TMEM38B: variants seen among roughly 807,000 people sequenced by gnomAD.
TMEM38B encodes transmembrane protein 38B, also known as trimeric intracellular cation channel type B.
In TMEM38B, 24 loss-of-function variants were observed where a neutral mutation model predicts 28.7. The ratio of observed to expected loss-of-function variants is 0.84; its 90% CI spans 0.61 to 1.18. The LOEUF is 1.18. Among genes scored for constraint, TMEM38B ranks in the 50% most tolerant of loss-of-function variants. The pLI, the probability that TMEM38B is intolerant of heterozygous loss-of-function variation, is 0.00. For synonymous variants in TMEM38B, 131 were observed against 127.7 expected, an observed-to-expected ratio of 1.03 and a Z score of -0.17; for missense variants, 380 against 350.9, an observed-to-expected ratio of 1.08 and a Z score of -0.66.
Position 105,759,845 on chromosome 9 carries a change from C to G in TMEM38B, c.660+11655C>G, listed in dbSNP as rs764026200. On this transcript the variant is annotated intron_variant, in intron 5 of 5. Transcript: ENST00000374692. ...TGCAAGTCAAAACAGCTTTGTAGGT[C>G]TCAGAGTTTGCTTTTAAGAAGTAGT... 1.4e-4 allele frequency: 218 copies of G among 1,594,674 alleles called. 1 individual carries two copies. The South Asian group carries it at 2.0e-3, about 15-fold the overall frequency.
intron 5 of TMEM38B, chr9:105,749,155 C>G (rs1319205077): frequency 7.9e-7 from 1 of 1,262,186 alleles, no homozygotes; most frequent in African/African-American, 1.6e-5. Flanking sequence ...GTAGTCTCTT[C>G]CAGTCCTCAA....
At chr9:105,743,403 T>C (rs909048246) in intron 4 of TMEM38B, among the ~76,000 whole-genome samples, 1 of 152,202 alleles carries the variant, frequency 6.6e-6, no homozygotes, top group African/African-American at 2.4e-5. Flanking sequence ...AAATGGCTTA[T>C]AGGAACCTTT....
At chr9:105,705,510 GTTTA>G (rs1238194057) in intron 1 of TMEM38B, 83 bp from the exon 2 acceptor site, 14 of 1,264,524 alleles carry the variant, frequency 1.1e-5, no homozygotes, top group African/African-American at 1.5e-5. Flanking sequence ...AATTTAAGAA[GTTTA>G]TTTGTTTAGT....
rs771160781 is a variant in TMEM38B at position 105,748,110 on chromosome 9, A to G, written c.580A>G (p.Thr194Ala). The change falls in exon 5 of 6, where the codon ACA becomes GCA. Residue 194 changes from threonine to alanine, a missense_variant. Transcript: ENST00000374692. The stretch of plus-strand genomic sequence containing the variant: ...AACCCTGCTGGGGTCAGTTATCTTC[A>G]CATTCCAGCACACCCAGCATCTGGC... ...KVTLLGSVIF[T>A]FQHTQHLAIS... 2.5e-6 allele frequency: 4 copies of G among 1,613,560 alleles called. No individual in the cohort carries two copies. The highest frequency in any genetic ancestry group is 1.7e-5 in the Admixed American group (1 of 59,928).
chr9:105,765,557 A>G (rs192445856), intron 5 of TMEM38B, among the ~76,000 whole-genome samples: 6 of 152,254 alleles, frequency 3.9e-5, no homozygotes, highest in Admixed American at 1.3e-4. Flanking sequence ...ATATCACTAC[A>G]GATTAGTGTT....
Position 105,774,409 on chromosome 9 carries a change from C to G in TMEM38B, c.*329C>G, listed in dbSNP as rs923322260. On this transcript the variant is annotated 3_prime_UTR_variant, in exon 6 of 6. Coordinates refer to ENST00000374692, the MANE Select transcript of TMEM38B (RefSeq NM_018112.3). The stretch of plus-strand genomic sequence containing the variant: ...ATTGCAAAGTAACAAAAATTTTAAG[C>G]TTTTAAAAATGTAGATTTTTCATAT... 2 of 166,712 alleles carry G rather than the reference C, an allele frequency of 1.2e-5. No individual in the cohort carries two copies. The highest frequency in any genetic ancestry group is 4.8e-5 in the African/African-American group (2 of 42,082). 10.3% of individuals were successfully genotyped at this position (166,712 alleles called of 1,614,324 possible). A position where few individuals can be genotyped will look rare whatever the true frequency, so the allele number is the denominator to read the frequency against.
chr9:105,740,260 G>GTT lies in TMEM38B; in HGVS notation c.543-7796_543-7795dup, dbSNP rs35669330. On this transcript the variant is annotated intron_variant, in intron 4 of 5. Coordinates refer to ENST00000374692, the MANE Select transcript of TMEM38B (RefSeq NM_018112.3). The stretch of plus-strand genomic sequence containing the variant: ...TCCTTCATTAAATTTATTCCTAGGT[G>GTT]TTTTTTTTTTTTTTTTTTGAAACAG... 8.6e-3 allele frequency among the ~76,000 whole-genome samples: 962 copies of GTT among 111,400 alleles called. 16 individuals carry two copies. The highest frequency in any genetic ancestry group is 0.025 in the African/African-American group (794 of 31,826). The allele number at this position is 111,400 out of a possible 152,430, so 73.1% of individuals were successfully genotyped here.
chr9:105,736,819 G>T (rs111636179), intron 4 of TMEM38B, among the ~76,000 whole-genome samples: 201 of 152,314 alleles, frequency 1.3e-3, no homozygotes, highest in African/African-American at 4.6e-3. Flanking sequence ...CTTGTTCTGA[G>T]TGGGCACACT....
intron 4 of TMEM38B, among the ~76,000 whole-genome samples, chr9:105,731,626 G>A (rs1836751987): frequency 6.6e-6 from 1 of 152,106 alleles, no homozygotes; most frequent in South Asian, 2.1e-4. Context: ...GCCCTACAAA[G>A]GACATGAACT....
At chr9:105,722,300 C>T (rs1836345209) in intron 3 of TMEM38B, among the ~76,000 whole-genome samples, 1 of 152,150 alleles carries the variant, frequency 6.6e-6, no homozygotes, top group African/African-American at 2.4e-5. Context: ...AAACTTCTAA[C>T]CATATCTTTG....
intron 4 of TMEM38B, among the ~76,000 whole-genome samples, chr9:105,747,627 TG>T (rs1837468434): frequency 6.6e-6 from 1 of 152,198 alleles, no homozygotes; most frequent in Admixed American, 6.5e-5. Context: ...AGCTTTTGAA[TG>T]TGTTTGCTCT....
chr9:105,707,548 G>T (rs945118533), intron 2 of TMEM38B, among the ~76,000 whole-genome samples: 1 of 151,994 alleles, frequency 6.6e-6, no homozygotes, highest in Admixed American at 6.6e-5. Context: ...TTCTAAAAGG[G>T]ATATTACAAA....
chr9:105,747,223 G>C (rs888623383), intron 4 of TMEM38B, among the ~76,000 whole-genome samples: 1 of 152,166 alleles, frequency 6.6e-6, no homozygotes, highest in Non-Finnish European at 1.5e-5. Context: ...TTTTTGGTTG[G>C]TAAGCTATTA....
At chr9:105,764,480 CA>C (rs1826284243) in intron 5 of TMEM38B, among the ~76,000 whole-genome samples, 1 of 152,108 alleles carries the variant, frequency 6.6e-6, no homozygotes, top group Non-Finnish European at 1.5e-5. Context: ...CTGCCATTCA[CA>C]ATTGCTTCAA....
At chr9:105,695,609 A>C (rs2133538503) in intron 1 of TMEM38B, among the ~76,000 whole-genome samples, 1 of 152,242 alleles carries the variant, frequency 6.6e-6, no homozygotes, top group East Asian at 1.9e-4. Flanking sequence ...CTGTGCTTTT[A>C]GTTGTATGGA....
chr9:105,764,980 G>A (rs534118886), intron 5 of TMEM38B, among the ~76,000 whole-genome samples: 15 of 152,182 alleles, frequency 9.9e-5, no homozygotes, highest in Admixed American at 2.0e-4. Flanking sequence ...AAGCAATGGG[G>A]GAAGGATTCC....
intron 2 of TMEM38B, among the ~76,000 whole-genome samples, chr9:105,714,618 CTA>C (rs1836028809): frequency 6.6e-6 from 1 of 152,130 alleles, no homozygotes; most frequent in Admixed American, 6.6e-5. Flanking sequence ...CATGGACTAA[CTA>C]TATTTCATTG....
chr9:105,698,974 A>G (rs995642524), intron 1 of TMEM38B, among the ~76,000 whole-genome samples: 1 of 152,110 alleles, frequency 6.6e-6, no homozygotes, highest in Non-Finnish European at 1.5e-5. Context: ...AAATGTTTAC[A>G]TTATATTGTA....
At chr9:105,766,043 C>T (rs1212530312) in intron 5 of TMEM38B, among the ~76,000 whole-genome samples, 7 of 152,088 alleles carry the variant, frequency 4.6e-5, no homozygotes, top group Admixed American at 6.6e-5. Flanking sequence ...CCTCATGATC[C>T]GCCTGCCTCG....
Sources: allele counts gnomAD v4.1 joint callset (sites outside exome capture counted in the v4.1 genomes callset), GRCh38; gene constraint gnomAD v4.1.1; transcripts MANE v1.5; gene names NCBI Gene and HGNC (gene_info 2026-07-23, HGNC 2026-07-21).